The following ABHD2 variants were observed in gnomAD, a reference collection of about 807,000 sequenced individuals.
ABHD2 encodes the protein monoacylglycerol lipase ABHD2.
Under a neutral mutation model 48.1 loss-of-function variants are expected in ABHD2, and 20 were observed. The ratio of observed to expected loss-of-function variants is 0.42; its 90% CI spans 0.29 to 0.60. The LOEUF (loss-of-function observed/expected upper bound fraction) is 0.60. Ranked by LOEUF, ABHD2 falls within the 20% of genes least tolerant of loss-of-function variation. The probability of loss-of-function intolerance (pLI) is 0.24; values close to 1 mark genes in which losing one functional copy is unlikely to be tolerated. For synonymous variants in ABHD2, 209 were observed against 214.2 expected, an observed-to-expected ratio of 0.98 and a Z score of 0.21; for missense variants, 405 against 550.9, an observed-to-expected ratio of 0.74 and a Z score of 2.65.
chr15:89,194,238 C>G (rs1022980641), intron 10 of ABHD2, among the ~76,000 whole-genome samples: 1 of 152,104 alleles, frequency 6.6e-6, no homozygotes, highest in African/African-American at 2.4e-5. Context: ...TGGCTCATGC[C>G]TATAAATCCC....
In ABHD2 at chr15:89,104,766, C is replaced by T. The variant is rs572112275; in HGVS notation, c.-106-8959C>T. ...CTCCCACCCCCATCTCCATTTCCTC[C>T]TTCTGGAAGCTTATTTCCAGACATA... On this transcript the variant is annotated intron_variant, in intron 1 of 10. Coordinates refer to ENST00000352732, the MANE Select transcript of ABHD2 (RefSeq NM_152924.5). This position sits in a 1 kb window ranked among gnomAD's most constrained non-coding sequence, Gnocchi z 4.4. Among the ~76,000 whole-genome samples the T allele has an allele frequency of 2.6e-5, 4 of 152,324 alleles. No homozygotes were observed. The highest frequency in any genetic ancestry group is 9.6e-5 in the African/African-American group (4 of 41,574).
chr15:89,132,483 C>A (rs1260864740), intron 3 of ABHD2, among the ~76,000 whole-genome samples: 1 of 152,166 alleles, frequency 6.6e-6, no homozygotes, highest in Non-Finnish European at 1.5e-5. Flanking sequence ...ATCTGAGCAC[C>A]ATTGTTGTAA....
chr15:89,171,572 G>A (rs1254966310), intron 5 of ABHD2, among the ~76,000 whole-genome samples: 2 of 152,186 alleles, frequency 1.3e-5, no homozygotes, highest in South Asian at 4.1e-4. Context: ...GCCTGGTTGT[G>A]TTGAACGGCG....
intron 3 of ABHD2, among the ~76,000 whole-genome samples, chr15:89,138,874 T>C (rs1166324188): frequency 7.1e-6 from 1 of 140,034 alleles, no homozygotes; most frequent in Middle Eastern, 3.5e-3. Context: ...TTCTTTTTTT[T>C]TCCTCATTTT....
At chr15:89,163,077 G>A (rs1293290130) in intron 5 of ABHD2, among the ~76,000 whole-genome samples, 1 of 152,200 alleles carries the variant, frequency 6.6e-6, no homozygotes, top group Non-Finnish European at 1.5e-5. Context: ...AGGCATTCAA[G>A]TCACTGTGAA....
At chr15:89,090,104 A>G (rs182903459) in intron 1 of ABHD2, among the ~76,000 whole-genome samples, 356 of 152,154 alleles carry the variant, frequency 2.3e-3, no homozygotes, top group Non-Finnish European at 3.8e-3. Context: ...ATTTCACTCC[A>G]AGCTTAGTTT....
At chr15:89,181,383 A>T (rs920335348) in intron 6 of ABHD2, among the ~76,000 whole-genome samples, 10 of 152,280 alleles carry the variant, frequency 6.6e-5, no homozygotes, top group African/African-American at 1.7e-4. Flanking sequence ...TGATAGCATT[A>T]TGGGAAAGTA....
Position 89,188,418 on chromosome 15 carries a change from T to C in ABHD2, c.926+115T>C. 1 of 776,216 alleles carries C rather than the reference T, an allele frequency of 1.3e-6. No homozygotes were observed. The highest frequency in any genetic ancestry group is 2.7e-5 in the Admixed American group (1 of 36,870). The allele number at this position is 776,216 out of a possible 1,614,324, so 48.1% of individuals were successfully genotyped here. ...TCTGCCTACTTGAGTGTTAAGGGTG[T>C]TTTTTTCCCTTTAAGTAAGTGTCTA... On this transcript the variant is annotated intron_variant, in intron 8 of 10. Transcript: ENST00000352732. The surrounding 1 kb of genome is among the most constrained non-coding windows in gnomAD (Gnocchi z 4.1).
intron 5 of ABHD2, among the ~76,000 whole-genome samples, chr15:89,171,071 G>A (rs1242816867): frequency 1.3e-5 from 2 of 151,980 alleles, no homozygotes; most frequent in African/African-American, 2.4e-5. Context: ...AGTCAAGATC[G>A]CACCACTGCA....
At position 89,095,193 on chromosome 15, in the gene ABHD2, A is replaced by T. The variant is rs116884764; in HGVS notation, c.-107+6630A>T. On this transcript the variant is annotated intron_variant, in intron 1 of 10. Transcript: ENST00000352732. ...AAAAGGTTGAGTTAATGGCCATTGA[A>T]TTATGCTGTTTGGGAGGGCCTAAAG... Among the ~76,000 whole-genome samples the T allele has an allele frequency of 1.3e-3, 195 of 152,314 alleles. 3 individuals are homozygous for T. In the East Asian group the frequency reaches 0.035, roughly 27 times the overall value.
rs934188248 is a variant in ABHD2 at position 89,201,675 on chromosome 15, G to A, written c.*6252G>A. 8.1e-6 allele frequency: 13 copies of A among 1,608,248 alleles called. No individual in the cohort carries two copies. Among genetic ancestry groups the A allele is most frequent in the South Asian group, 3.3e-5 (3 of 90,990 alleles). On this transcript the variant is annotated 3_prime_UTR_variant, in exon 11 of 11. Coordinates refer to ENST00000352732, the MANE Select transcript of ABHD2 (RefSeq NM_152924.5). ...CACTTTGAAACACACTTTTCTATCC[G>A]ATGGATTTCGCAATTTAAGATTTGT...
chr15:89,143,861 T>C (rs2050448404), intron 3 of ABHD2, among the ~76,000 whole-genome samples: 1 of 152,004 alleles, frequency 6.6e-6, no homozygotes, highest in Non-Finnish European at 1.5e-5. Context: ...TATAGTAATT[T>C]CTTTTCAATG....
chr15:89,071,539 A>T, the ABHD2 span, among the ~76,000 whole-genome samples: 1 of 152,234 alleles, frequency 6.6e-6, no homozygotes, highest in Non-Finnish European at 1.5e-5. Flanking sequence ...CAGTTTATAC[A>T]GTATTTTCAC....
the ABHD2 span, among the ~76,000 whole-genome samples, chr15:89,042,694 T>G: frequency 6.6e-6 from 1 of 151,812 alleles, no homozygotes; most frequent in Non-Finnish European, 1.5e-5. Flanking sequence ...TCGCCCAGAC[T>G]GGAGTACAGT....
chr15:89,151,771 C>T lies in ABHD2; in HGVS notation c.289C>T (p.His97Tyr), dbSNP rs377248748. 1.9e-6 allele frequency: 3 copies of T among 1,614,106 alleles called. No individual in the cohort carries two copies. The African/African-American group carries it at 4.0e-5, about 22-fold the overall frequency. Residue 97 changes from histidine (H) to tyrosine (Y), a missense_variant, in exon 4 of 11, where the codon CAC (histidine) becomes TAC (tyrosine). Physicochemically the swap from His to Tyr is moderately conservative, Grantham distance 83. Coordinates refer to ENST00000352732, the MANE Select transcript of ABHD2 (RefSeq NM_152924.5). The surrounding 1 kb of genome is among the most constrained non-coding windows in gnomAD (Gnocchi z 4.7). ...GRVRSPHPYG[H>Y]RKFITMSDGA... is the part of the protein sequence containing the mutation. ...GGTGAGGTCGCCACATCCTTATGGGCACCGGAAGTTCATCACTATGTCTGA... is the reference window on the plus strand; with the variant it reads ...GGTGAGGTCGCCACATCCTTATGGGTACCGGAAGTTCATCACTATGTCTGA...
intron 3 of ABHD2, among the ~76,000 whole-genome samples, chr15:89,139,937 G>A (rs1785144750): frequency 6.6e-6 from 1 of 152,228 alleles, no homozygotes; most frequent in Admixed American, 6.5e-5. Context: ...CCATTTGAGT[G>A]TGCAGTTGTC....
rs1215754142 is a variant in ABHD2, at chr15:89,173,305, G to A, written c.539-2507G>A. On this transcript the variant is annotated intron_variant, in intron 5 of 10. Transcript: ENST00000352732. The surrounding 1 kb of genome is among the most constrained non-coding windows in gnomAD (Gnocchi z 6.5). Reference sequence around the variant, plus strand: ...AAAGAGAAACTTGGCCAGGGCAGTGGCTCATGCCTGTAATCCCAGCACTTT... The same window carrying A: ...AAAGAGAAACTTGGCCAGGGCAGTGACTCATGCCTGTAATCCCAGCACTTT... Among the ~76,000 whole-genome samples the A allele has an allele frequency of 6.6e-6, 1 of 152,194 alleles. No individual in the cohort carries two copies. Among genetic ancestry groups the A allele is most frequent in the Non-Finnish European group, 1.5e-5 (1 of 68,036 alleles).
At position 89,162,697 on chromosome 15, in the gene ABHD2, C is replaced by A. The variant is rs150454890; in HGVS notation, c.538+7163C>A. Reference sequence around the variant, plus strand: ...CCTCTCCCTCATCTAAAGCTCCCCCCCAACCCCAGTCATTATCTAATGCCC... The same window carrying A: ...CCTCTCCCTCATCTAAAGCTCCCCCACAACCCCAGTCATTATCTAATGCCC... On this transcript the variant is annotated intron_variant, in intron 5 of 10. Coordinates refer to ENST00000352732, the MANE Select transcript of ABHD2 (RefSeq NM_152924.5). Among the ~76,000 whole-genome samples, 474 of 152,262 alleles carry A rather than the reference C, an allele frequency of 3.1e-3. 2 individuals carry two copies. The highest frequency in any genetic ancestry group is 0.011 in the African/African-American group (448 of 41,552).
In ABHD2 at chr15:89,186,599, A is replaced by G. The variant is rs114333832; in HGVS notation, c.815+1083A>G. On this transcript the variant is annotated intron_variant, in intron 7 of 10. Coordinates refer to ENST00000352732, the MANE Select transcript of ABHD2 (RefSeq NM_152924.5). This position sits in a 1 kb window ranked among gnomAD's most constrained non-coding sequence, Gnocchi z 4.3. ...CTGCTTCTGTGAAGCCAACTCATCC[A>G]TGCCCAAGTTGCTTTTCTTTTGCTT... is the stretch of plus-strand genomic sequence containing the variant. Among the ~76,000 whole-genome samples the G allele has an allele frequency of 7.5e-3, 1,143 of 152,184 alleles. 15 individuals are homozygous for G. The highest frequency in any genetic ancestry group is 0.026 in the African/African-American group (1,090 of 41,544).
Sources: gnomAD v4.1 joint callset for allele counts (sites outside exome capture counted in the v4.1 genomes callset) on GRCh38, gnomAD v4.1.1 for gene constraint, Gnocchi (gnomAD v3.1) non-coding constraint, MANE v1.5 for transcripts, NCBI Gene and HGNC (gene_info 2026-07-23, HGNC 2026-07-21) for gene names.